Variants in WDFY4 observed in about 807,000 individuals in gnomAD.
WDFY4 encodes the protein WDFY family member 4.
In WDFY4, 169 loss-of-function variants were observed where a neutral mutation model predicts 351.9. That is an observed-to-expected ratio of 0.48 (90% CI 0.42 to 0.55). WDFY4 has a LOEUF of 0.55. WDFY4 is among the 20% of genes least tolerant of loss of function. The probability of loss-of-function intolerance (pLI) is 0.00; values close to 1 mark genes in which losing one functional copy is unlikely to be tolerated. For missense variants in WDFY4, 3,803 were observed against 3,935.6 expected (o/e 0.97, Z 0.90); for synonymous variants, 1,622 against 1,574.6 (o/e 1.03, Z -0.71).
At chr10:48,699,034 G>A (rs915334251) in intron 1 of WDFY4, among the ~76,000 whole-genome samples, 1 of 152,194 alleles carries the variant, frequency 6.6e-6, no homozygotes, top group African/African-American at 2.4e-5. Context: ...GCCCCAGAAA[G>A]CACATGCTAC....
chr10:48,853,559 G>A (rs561833750), intron 39 of WDFY4, among the ~76,000 whole-genome samples: 81 of 152,306 alleles, frequency 5.3e-4, no homozygotes, highest in African/African-American at 1.9e-3. Context: ...ACTGTCCTAA[G>A]AGAGTGCCTT....
chr10:48,730,707 T>C (rs1466417284), intron 8 of WDFY4, among the ~76,000 whole-genome samples: 5 of 152,262 alleles, frequency 3.3e-5, no homozygotes, highest in African/African-American at 1.2e-4. Flanking sequence ...AATTTTAACT[T>C]TAAATAAGAA....
In WDFY4 at chr10:48,946,913, G is replaced by A. The variant is rs1372726781; in HGVS notation, c.7921G>A (p.Val2641Met). The stretch of plus-strand genomic sequence containing the variant: ...CACCCACTACTCCTCGGCCATCATC[G>A]TGGCCTCCTACCTGGTCCGGATGCC... ...YYTHYSSAII[V>M]ASYLVRMPPF... Residue 2641 changes from valine (V) to methionine (M), a missense_variant, in exon 51 of 62, where the codon GTG becomes ATG. Coordinates refer to ENST00000325239, the MANE Select transcript of WDFY4 (RefSeq NM_001394531.1). 23 of 1,551,896 alleles carry A rather than the reference G, an allele frequency of 1.5e-5. No individual in the cohort carries two copies. Among genetic ancestry groups the A allele is most frequent in the East Asian group, 2.4e-5 (1 of 40,924 alleles).
chr10:48,721,383 T>G lies in WDFY4; in HGVS notation c.456+16T>G. ...GACAGACTCGGTAAGTTTCAGACCA[T>G]CAGCCTCTGCCCTGGGCACTGCTCA... is the stretch of plus-strand genomic sequence containing the variant. On this transcript the variant is annotated intron_variant, in intron 4 of 61. Transcript: ENST00000325239. 6.4e-7 allele frequency: 1 copy of G among 1,551,024 alleles called. No homozygotes were observed. Among genetic ancestry groups the G allele is most frequent in the Non-Finnish European group, 8.7e-7 (1 of 1,146,418 alleles).
In WDFY4 at chr10:48,960,026, G is replaced by T. The variant is rs954615983; in HGVS notation, c.8223+213G>T. Among the ~76,000 whole-genome samples, 6 of 152,326 alleles carry T rather than the reference G, an allele frequency of 3.9e-5. 1 individual carries two copies. The highest frequency in any genetic ancestry group is 1.2e-4 in the African/African-American group (5 of 41,580). On this transcript the variant is annotated intron_variant, in intron 53 of 61. Transcript: ENST00000325239. ...AAGAGCTCCAGTAGACCCTGCCTGGGTGCCAGCTTGGTGAGGGTTTCACTG... is the reference window on the plus strand; with the variant it reads ...AAGAGCTCCAGTAGACCCTGCCTGGTTGCCAGCTTGGTGAGGGTTTCACTG...
intron 34 of WDFY4, 28 bp from the exon 35 acceptor site, chr10:48,822,352 C>T (rs2067853201): frequency 1.3e-6 from 2 of 1,510,100 alleles, no homozygotes; most frequent in African/African-American, 1.4e-5. Context: ...TTTAGACTCT[C>T]ACCTCCACCT....
At chr10:48,912,902 C>T (rs1312899369) in intron 47 of WDFY4, among the ~76,000 whole-genome samples, 1 of 152,256 alleles carries the variant, frequency 6.6e-6, no homozygotes, top group Non-Finnish European at 1.5e-5. Flanking sequence ...TGTGGTCCAG[C>T]TCTGTCCCCT....
intron 2 of WDFY4, among the ~76,000 whole-genome samples, chr10:48,714,643 C>A (rs1157556228): frequency 6.6e-6 from 1 of 152,130 alleles, no homozygotes; most frequent in African/African-American, 2.4e-5. Context: ...TCATTTTGCA[C>A]AGAGATATCC....
chr10:48,966,813 GC>G, intron 55 of WDFY4, 140 bp downstream of exon 55: 2 of 1,205,612 alleles, frequency 1.7e-6, no homozygotes, highest in Non-Finnish European at 2.3e-6. Context: ...TCCAGTCACA[GC>G]CAGATTCTAG....
At chr10:48,719,797 C>A (rs1019727152) in intron 2 of WDFY4, among the ~76,000 whole-genome samples, 9 of 152,074 alleles carry the variant, frequency 5.9e-5, no homozygotes, top group Non-Finnish European at 8.8e-5. Flanking sequence ...GGCTCGTGTT[C>A]AGGTGGATGT....
intron 40 of WDFY4, among the ~76,000 whole-genome samples, chr10:48,867,640 A>G (rs948447986): frequency 2.6e-5 from 4 of 152,198 alleles, no homozygotes; most frequent in Non-Finnish European, 5.9e-5. Context: ...CAGTGGTCTG[A>G]GCCTCTGTGT....
chr10:48,832,481 G>A (rs746023887), intron 38 of WDFY4, 92 bp from the exon 39 acceptor site: 7 of 1,388,326 alleles, frequency 5.0e-6, no homozygotes, highest in Admixed American at 2.8e-5. Context: ...GGGGGCTCAT[G>A]CCCCTGGCTG....
intron 47 of WDFY4, among the ~76,000 whole-genome samples, chr10:48,935,378 C>G (rs559704434): frequency 6.4e-4 from 98 of 152,340 alleles, no homozygotes; most frequent in Admixed American, 2.0e-3. Context: ...GGGCTCACCC[C>G]CTGTGATTCC....
chr10:48,915,028 G>C (rs1454177081), intron 47 of WDFY4, among the ~76,000 whole-genome samples: 1 of 152,216 alleles, frequency 6.6e-6, no homozygotes, highest in Non-Finnish European at 1.5e-5. Context: ...AATGTGATGT[G>C]ATGGGGATTC....
intron 1 of WDFY4, among the ~76,000 whole-genome samples, chr10:48,695,035 T>C (rs1263885110): frequency 6.6e-6 from 1 of 152,156 alleles, no homozygotes; most frequent in Admixed American, 6.5e-5. Flanking sequence ...TGTTTAATAA[T>C]CCAGAGACCC....
At chr10:48,772,870 A>G (rs1380774596) in intron 13 of WDFY4, among the ~76,000 whole-genome samples, 7 of 151,214 alleles carry the variant, frequency 4.6e-5, no homozygotes, top group Non-Finnish European at 1.0e-4. Context: ...TACAAAGGAC[A>G]TGAACTCATC....
At chr10:48,938,369 T>G (rs1481525491) in intron 47 of WDFY4, among the ~76,000 whole-genome samples, 1 of 152,232 alleles carries the variant, frequency 6.6e-6, no homozygotes, top group Non-Finnish European at 1.5e-5. Flanking sequence ...CCAGACTCCT[T>G]CCAGGGCTGA....
chr10:48,760,334 C>T lies in WDFY4; in HGVS notation c.2460-13C>T, dbSNP rs536563277. On this transcript the variant is annotated splice_polypyrimidine_tract_variant and intron_variant, in intron 12 of 61. Transcript: ENST00000325239. ...GGTCCGTGTCTCATGTCTGGCTCTC[C>T]CTCTCTCTGCAGGATGGATGAGGGA... The T allele has an allele frequency of 3.5e-5, 54 of 1,551,052 alleles. No homozygotes were observed. The Middle Eastern group carries it at 6.7e-4, about 19-fold the overall frequency.
chr10:48,873,670 G>A lies in WDFY4; in HGVS notation c.6921G>A (p.Leu2307=). 6.4e-7 allele frequency: 1 copy of A among 1,551,858 alleles called. No individual in the cohort carries two copies. The highest frequency in any genetic ancestry group is 8.7e-7 in the Non-Finnish European group (1 of 1,147,022). Residue 2307 remains leucine (L), a synonymous_variant, in exon 41 of 62, where the codon TTG becomes TTA. Coordinates refer to ENST00000325239, the MANE Select transcript of WDFY4 (RefSeq NM_001394531.1). ...AACGCATCAAACGCTTGTCTCCTTT[G>A]GAGGCCCTGAGCTCAGGAAGGCACA... ...MRKRIKRLSP[L]EALSSGRHKE...
Sources: gnomAD v4.1 joint callset for allele counts (sites outside exome capture counted in the v4.1 genomes callset) on GRCh38, gnomAD v4.1.1 for gene constraint, MANE v1.5 for transcripts, NCBI Gene and HGNC (gene_info 2026-07-23, HGNC 2026-07-21) for gene names.